The following CTNNA3 variants were observed in gnomAD, a reference collection of about 807,000 sequenced individuals.
CTNNA3 encodes catenin alpha 3.
In CTNNA3, 76 loss-of-function variants were observed where a neutral mutation model predicts 95.7. That is an observed-to-expected ratio of 0.79 (90% CI 0.66 to 0.96). The LOEUF (loss-of-function observed/expected upper bound fraction) is 0.96, where lower values mean the gene tolerates loss of function less well. Ranked by LOEUF, CTNNA3 falls within the 40% of genes least tolerant of loss-of-function variation. The probability of loss-of-function intolerance (pLI) is 0.00; values close to 1 mark genes in which losing one functional copy is unlikely to be tolerated. For missense variants in CTNNA3, 1,191 were observed against 1,089.8 expected, an observed-to-expected ratio of 1.09 and a Z score of -1.31; for synonymous variants, 431 against 374.4, an observed-to-expected ratio of 1.15 and a Z score of -1.74.
chr10:66,895,278 T>C (rs1478283209), intron 7 of CTNNA3, among the ~76,000 whole-genome samples: 1 of 152,072 alleles, frequency 6.6e-6, no homozygotes, highest in Non-Finnish European at 1.5e-5. Context: ...TGCAGTCTTT[T>C]TGTTACAAAC....
chr10:67,017,812 C>G (rs1424622995), intron 7 of CTNNA3, among the ~76,000 whole-genome samples: 3 of 152,016 alleles, frequency 2.0e-5, no homozygotes, highest in Admixed American at 6.6e-5. Flanking sequence ...CTCTGTCACC[C>G]AGGCTGGAAT....
chr10:67,545,004 C>G (rs1221529201), intron 3 of CTNNA3, among the ~76,000 whole-genome samples: 1 of 151,948 alleles, frequency 6.6e-6, no homozygotes, highest in African/African-American at 2.4e-5. Flanking sequence ...TGGGAACTCT[C>G]AAAATAAGCT....
At chr10:67,635,163 A>G (rs1839266045) in intron 2 of CTNNA3, among the ~76,000 whole-genome samples, 1 of 152,188 alleles carries the variant, frequency 6.6e-6, no homozygotes, top group African/African-American at 2.4e-5. Context: ...GAGTTCTGAA[A>G]TTGAGGCAGC....
At chr10:66,336,375 C>T (rs1365428202) in intron 12 of CTNNA3, among the ~76,000 whole-genome samples, 1 of 152,024 alleles carries the variant, frequency 6.6e-6, no homozygotes, top group Admixed American at 6.6e-5. Flanking sequence ...CTTAGCTCCA[C>T]CCCCAGCACA....
chr10:66,169,619 T>C (rs913546192), intron 13 of CTNNA3, among the ~76,000 whole-genome samples: 2 of 152,222 alleles, frequency 1.3e-5, no homozygotes, highest in African/African-American at 4.8e-5. Context: ...ATAGTGGTTG[T>C]ACTGTTTACC....
intron 7 of CTNNA3, among the ~76,000 whole-genome samples, chr10:66,868,688 T>C (rs953083033): frequency 2.6e-5 from 4 of 151,016 alleles, no homozygotes; most frequent in Admixed American, 6.6e-5. Context: ...AAGGCAGAGG[T>C]TGCAGTGAGC....
At chr10:67,612,008 G>C (rs1056688752) in intron 2 of CTNNA3, among the ~76,000 whole-genome samples, 4 of 152,186 alleles carry the variant, frequency 2.6e-5, no homozygotes, top group Admixed American at 6.5e-5. Context: ...TCGGGGAGGA[G>C]AGGGGGTGTC....
chr10:66,172,803 A>T (rs1233788316), intron 13 of CTNNA3, among the ~76,000 whole-genome samples: 1 of 152,190 alleles, frequency 6.6e-6, no homozygotes, highest in South Asian at 2.1e-4. Context: ...GCTACAAAAA[A>T]TTTCATCATT....
chr10:67,076,341 T>C (rs1488200957), intron 7 of CTNNA3, among the ~76,000 whole-genome samples: 1 of 152,258 alleles, frequency 6.6e-6, no homozygotes, highest in African/African-American at 2.4e-5. Flanking sequence ...TGAGTAATCA[T>C]GATCCAGTAG....
chr10:67,010,422 A>C (rs1445613045), intron 7 of CTNNA3, among the ~76,000 whole-genome samples: 1 of 152,180 alleles, frequency 6.6e-6, no homozygotes, highest in East Asian at 1.9e-4. Context: ...AAGTAGTGTC[A>C]CCTAATGTTG....
rs139569304 is a variant in CTNNA3 at position 67,094,967 on chromosome 10, T to C, written c.1047+85350A>G. 5.3e-3 allele frequency among the ~76,000 whole-genome samples: 809 copies of C among 151,764 alleles called. 5 individuals carry two copies. Among genetic ancestry groups the C allele is most frequent in the African/African-American group, 0.018 (767 of 41,522 alleles). On this transcript the variant is annotated intron_variant, in intron 7 of 17. Coordinates refer to ENST00000433211, the MANE Select transcript of CTNNA3 (RefSeq NM_013266.4). ...CACCAAAATTTGCATTTTCCATACC[T>C]GATTTAAATGATTTTGAAACTATAA...
chr10:67,050,122 G>A (rs557531711), intron 7 of CTNNA3, among the ~76,000 whole-genome samples: 4 of 152,232 alleles, frequency 2.6e-5, no homozygotes, highest in East Asian at 1.9e-4. Context: ...TCCATTGCCC[G>A]GATTTCTTGC....
chr10:67,652,557 C>T (rs980590448), intron 1 of CTNNA3, among the ~76,000 whole-genome samples: 16 of 152,008 alleles, frequency 1.1e-4, no homozygotes, highest in Non-Finnish European at 4.4e-5. Flanking sequence ...TATAGTGAAA[C>T]CAAGTCTCTC....
chr10:67,070,455 A>C (rs1856377578), intron 7 of CTNNA3, among the ~76,000 whole-genome samples: 1 of 152,314 alleles, frequency 6.6e-6, no homozygotes, highest in South Asian at 2.1e-4. Context: ...GTCCCGATTA[A>C]GAAATCCTTG....
At chr10:66,277,953 T>G (rs763972898) in intron 13 of CTNNA3, among the ~76,000 whole-genome samples, 3 of 151,818 alleles carry the variant, frequency 2.0e-5, no homozygotes, top group Non-Finnish European at 2.9e-5. Flanking sequence ...TCTCTAGCAG[T>G]GATTACAGTC....
At chr10:66,856,014 C>T (rs193161398) in intron 7 of CTNNA3, among the ~76,000 whole-genome samples, 2 of 151,990 alleles carry the variant, frequency 1.3e-5, no homozygotes, top group Non-Finnish European at 2.9e-5. Flanking sequence ...GTTTGGTGTA[C>T]AGATCATTTT....
At chr10:67,129,214 C>T (rs1031249876) in intron 7 of CTNNA3, among the ~76,000 whole-genome samples, 4 of 152,100 alleles carry the variant, frequency 2.6e-5, no homozygotes, top group Non-Finnish European at 2.9e-5. Flanking sequence ...AAAAAATTTT[C>T]AGATTTTTTC....
At chr10:66,006,833 T>C (rs1310084115) in intron 15 of CTNNA3, among the ~76,000 whole-genome samples, 1 of 152,220 alleles carries the variant, frequency 6.6e-6, no homozygotes, top group Admixed American at 6.5e-5. Flanking sequence ...GGTCATGGCA[T>C]AATATTATTC....
At chr10:67,368,358 A>G (rs2132692653) in intron 5 of CTNNA3, among the ~76,000 whole-genome samples, 1 of 152,296 alleles carries the variant, frequency 6.6e-6, no homozygotes, top group African/African-American at 2.4e-5. Flanking sequence ...GCTGACCATA[A>G]AAAGACTATT....
Sources: gnomAD v4.1 joint callset for allele counts (sites outside exome capture counted in the v4.1 genomes callset) on GRCh38, gnomAD v4.1.1 for gene constraint, MANE v1.5 for transcripts, NCBI Gene and HGNC (gene_info 2026-07-23, HGNC 2026-07-21) for gene names.